EIF2AK4: variants seen among roughly 807,000 people sequenced by gnomAD.
EIF2AK4 encodes eukaryotic translation initiation factor 2 alpha kinase 4.
Under a neutral mutation model 211.1 loss-of-function variants are expected in EIF2AK4, and 139 were observed. The observed-to-expected ratio is 0.66, with a 90% CI of 0.57 to 0.76. The LOEUF is 0.76. Ranked by LOEUF, EIF2AK4 falls within the 30% of genes least tolerant of loss-of-function variation. EIF2AK4 has a pLI of 0.00. For missense variants in EIF2AK4, 1,664 were observed against 2,043.8 expected (o/e 0.81, Z 3.58); for synonymous variants, 710 against 751.3 (o/e 0.94, Z 0.90).
At chr15:39,960,584 A>G (rs16970054) in intron 6 of EIF2AK4, among the ~76,000 whole-genome samples, 9,331 of 152,206 alleles carry the variant, frequency 0.061, 474 homozygotes, top group East Asian at 0.29. Flanking sequence ...AAGTGGAGAC[A>G]GGAAGTGCAG....
rs182594223 is a variant in EIF2AK4, at chr15:40,003,203, G to A, written c.3246G>A (p.Gln1082=). 5.6e-6 allele frequency: 9 copies of A among 1,614,144 alleles called. No individual in the cohort carries two copies. In the East Asian group the frequency reaches 6.7e-5, roughly 12 times the overall value. Residue 1082 remains glutamine (Q), a synonymous_variant, in exon 23 of 39, where the codon CAG becomes CAA. Transcript: ENST00000263791. The part of the protein sequence containing the change: ...IRIFKRHGAV[Q]LCTPLLLPRN... ...TCTCATTTGGTGTAGGAGCTGTTCAGTTGTGTACTCCACTACTGCTTCCCC... is the reference window on the plus strand; with the variant it reads ...TCTCATTTGGTGTAGGAGCTGTTCAATTGTGTACTCCACTACTGCTTCCCC...
intron 30 of EIF2AK4, 74 bp from the exon 31 acceptor site, chr15:40,020,825 C>T (rs900327169): frequency 1.9e-5 from 26 of 1,392,400 alleles, no homozygotes; most frequent in Non-Finnish European, 2.3e-5. Context: ...TGCTGCCTCC[C>T]CTCCTGATGC....
intron 14 of EIF2AK4, 70 bp downstream of exon 14, chr15:39,985,958 A>T (rs2034859567): frequency 7.3e-7 from 1 of 1,378,744 alleles, no homozygotes; most frequent in South Asian, 1.2e-5. Flanking sequence ...GTTTCAGGGT[A>T]TTAGAACAAG....
intron 33 of EIF2AK4, 50 bp downstream of exon 33, chr15:40,026,139 GAAACTACGT>G: frequency 6.7e-7 from 1 of 1,487,684 alleles, no homozygotes; most frequent in Non-Finnish European, 9.3e-7. Context: ...TACCTATATG[GAAACTACGT>G]AAATTTATTT....
chr15:40,007,612 C>T (rs1462863914), intron 24 of EIF2AK4, among the ~76,000 whole-genome samples: 3 of 152,222 alleles, frequency 2.0e-5, no homozygotes, highest in Non-Finnish European at 4.4e-5. Flanking sequence ...TAATTTGGAG[C>T]AGTATTGTTG....
intron 4 of EIF2AK4, among the ~76,000 whole-genome samples, chr15:39,952,967 C>T (rs368639834): frequency 2.0e-5 from 3 of 152,280 alleles, no homozygotes; most frequent in Admixed American, 1.3e-4. Context: ...CCTGCCTCAG[C>T]CTCCCGAGTA....
At chr15:39,951,512 C>A in intron 4 of EIF2AK4, 1 of 402,070 alleles carries the variant, frequency 2.5e-6, no homozygotes, top group African/African-American at 2.1e-5. Context: ...TGCAAAGCAC[C>A]AATAGCTGCA....
In EIF2AK4 at chr15:39,949,258, A is replaced by G; in HGVS notation, c.503A>G (p.Glu168Gly). 1.9e-6 allele frequency: 3 copies of G among 1,613,972 alleles called. No homozygotes were observed. The highest frequency in any genetic ancestry group is 2.5e-6 in the Non-Finnish European group (3 of 1,179,918). ...QQRLLEAKRK[E>G]EQEQREILHE... Reference sequence around the variant, plus strand: ...AGGCTGTTGGAGGCCAAGCGGAAAGAAGAGCAGGAGGTGAGATGCCCTTGT... The same window carrying G: ...AGGCTGTTGGAGGCCAAGCGGAAAGGAGAGCAGGAGGTGAGATGCCCTTGT... The change falls in exon 4 of 39, where the codon GAA becomes GGA. Residue 168 changes from glutamate (E) to glycine (G), a missense_variant. Physicochemically the swap from Glu to Gly is moderately conservative, Grantham distance 98 (BLOSUM62 -2). Coordinates refer to ENST00000263791, the MANE Select transcript of EIF2AK4 (RefSeq NM_001013703.4).
chr15:39,947,013 T>C, intron 3 of EIF2AK4: 1 of 191,974 alleles, frequency 5.2e-6, no homozygotes. Context: ...CGCTTTATTG[T>C]GACATTTGCT....
At chr15:39,979,831 C>T (rs73388549) in intron 13 of EIF2AK4, among the ~76,000 whole-genome samples, 13,073 of 152,098 alleles carry the variant, frequency 0.086, 763 homozygotes, top group East Asian at 0.28. Context: ...TGTTCTGTAC[C>T]ATGTTGGTTT....
chr15:39,943,351 CTTTTTTT>C (rs5812147), intron 2 of EIF2AK4, 25 bp from the exon 3 acceptor site: 394 of 863,454 alleles, frequency 4.6e-4, no homozygotes, highest in Non-Finnish European at 4.8e-4. Context: ...TGGAGTAACT[CTTTTTTT>C]TTTTTTTTTT....
chr15:39,944,162 A>G (rs2034188525), intron 3 of EIF2AK4, among the ~76,000 whole-genome samples: 1 of 151,854 alleles, frequency 6.6e-6, no homozygotes, highest in Non-Finnish European at 1.5e-5. Context: ...GACACACTCT[A>G]CTCCTTCAGT....
chr15:40,019,042 TCA>T (rs2035347885), intron 29 of EIF2AK4, 49 bp from the exon 30 acceptor site: 4 of 1,337,938 alleles, frequency 3.0e-6, no homozygotes, highest in South Asian at 2.6e-5. Context: ...TTCCCCGTAA[TCA>T]CAGTTTCTTT....
At chr15:39,985,293 G>A (rs2140924388) in intron 13 of EIF2AK4, among the ~76,000 whole-genome samples, 1 of 152,192 alleles carries the variant, frequency 6.6e-6, no homozygotes, top group South Asian at 2.1e-4. Context: ...TGTTCATCAG[G>A]GACATTGGCC....
intron 27 of EIF2AK4, among the ~76,000 whole-genome samples, chr15:40,015,992 G>C (rs2035298488): frequency 6.6e-6 from 1 of 152,188 alleles, no homozygotes; most frequent in Admixed American, 6.5e-5. Flanking sequence ...GGGAGGAGAG[G>C]GAAGGGAGGA....
intron 32 of EIF2AK4, among the ~76,000 whole-genome samples, chr15:40,024,868 A>G (rs762624483): frequency 5.9e-5 from 9 of 152,110 alleles, no homozygotes; most frequent in Non-Finnish European, 1.2e-4. Context: ...CTGGGACTAC[A>G]GGCACGCACC....
chr15:39,965,751 T>C lies in EIF2AK4; in HGVS notation c.925T>C (p.Leu309=). ...GGAAACAGCCACTGGTGGCTTTGTC[T>C]TGTTGTATGAGTGGGTCCTTCAGTG... ...ALETATGGFV[L]LYEWVLQWQK... Residue 309 remains leucine (L), a synonymous_variant, in exon 8 of 39, where the codon TTG becomes CTG. Transcript: ENST00000263791. 1 of 1,614,136 alleles carries C rather than the reference T, an allele frequency of 6.2e-7. No homozygotes were observed. Among genetic ancestry groups the C allele is most frequent in the Non-Finnish European group, 8.5e-7 (1 of 1,179,982 alleles).
intron 3 of EIF2AK4, chr15:39,946,464 G>T: frequency 1.5e-6 from 1 of 656,704 alleles, no homozygotes; most frequent in Non-Finnish European, 2.8e-6. Context: ...TTTAACAGAT[G>T]ATTAGTTGCC....
chr15:39,945,186 G>T (rs2034210540), intron 3 of EIF2AK4, among the ~76,000 whole-genome samples: 1 of 149,410 alleles, frequency 6.7e-6, no homozygotes. Flanking sequence ...TCACCATCTT[G>T]CCCAGGCTGG....
Sources: allele counts gnomAD v4.1 joint callset (sites outside exome capture counted in the v4.1 genomes callset), GRCh38; gene constraint gnomAD v4.1.1; transcripts MANE v1.5; gene names NCBI Gene and HGNC (gene_info 2026-07-23, HGNC 2026-07-21).